Variants in PTPRF observed in about 807,000 individuals in gnomAD.
The protein encoded by PTPRF is receptor-type tyrosine-protein phosphatase F.
A neutral mutation model predicts 201.8 loss-of-function variants in PTPRF; 59 were observed. The observed-to-expected ratio is 0.29, with a 90% CI of 0.24 to 0.36. PTPRF has a LOEUF of 0.36. Among genes scored for constraint, PTPRF ranks in the 10% least tolerant of loss-of-function variants. PTPRF has a pLI of 1.00. For missense variants in PTPRF, 2,132 were observed against 2,690.5 expected, an observed-to-expected ratio of 0.79 and a Z score of 4.59; for synonymous variants, 1,088 against 1,089.7, an observed-to-expected ratio of 1.00 and a Z score of 0.03.
Position 43,619,177 on chromosome 1 carries a change from G to A in PTPRF, c.4621G>A (p.Ala1541Thr), listed in dbSNP as rs754258723. Residue 1541 changes from alanine (A) to threonine (T), a missense_variant, in exon 27 of 34, where the codon GCA (alanine) becomes ACA (threonine). Coordinates refer to ENST00000359947, the MANE Select transcript of PTPRF (RefSeq NM_002840.5). ...GGTCAAGGCCTGCAACCCCCTAGACGCAGGGCCCATGGTGGTGCACTGCAG... is the reference window on the plus strand; with the variant it reads ...GGTCAAGGCCTGCAACCCCCTAGACACAGGGCCCATGGTGGTGCACTGCAG... ...RRVKACNPLDAGPMVVHCSAG... is the reference protein window; with the variant it reads ...RRVKACNPLDTGPMVVHCSAG... 10 of 1,609,554 alleles carry A rather than the reference G, an allele frequency of 6.2e-6. No homozygotes were observed. The highest frequency in any genetic ancestry group is 2.7e-5 in the African/African-American group (2 of 74,376).
rs142911514 is a variant in PTPRF, at chr1:43,540,199, A to G, written c.-46+1922A>G. On this transcript the variant is annotated intron_variant, in intron 2 of 33. Coordinates refer to ENST00000359947, the MANE Select transcript of PTPRF (RefSeq NM_002840.5). Reference sequence around the variant, plus strand: ...CCAGTAGCATCTCCCCGCTTTCCCCAGTCTCGACAATCAAAAATGTCTCCA... The same window carrying G: ...CCAGTAGCATCTCCCCGCTTTCCCCGGTCTCGACAATCAAAAATGTCTCCA... Among the ~76,000 whole-genome samples, 360 of 152,310 alleles carry G rather than the reference A, an allele frequency of 2.4e-3. 3 individuals carry two copies. The highest frequency in any genetic ancestry group is 8.1e-3 in the African/African-American group (336 of 41,552).
At chr1:43,531,675 C>T (rs191051378) in intron 1 of PTPRF, among the ~76,000 whole-genome samples, 5 of 151,780 alleles carry the variant, frequency 3.3e-5, no homozygotes, top group African/African-American at 1.2e-4. Context: ...GAAGCCCCCC[C>T]ACCCCCTTCG....
intron 3 of PTPRF, among the ~76,000 whole-genome samples, chr1:43,550,886 C>T (rs1353753640): frequency 6.6e-6 from 1 of 152,048 alleles, no homozygotes. Flanking sequence ...GAGTGTATGG[C>T]GGAGGTTGGC....
chr1:43,576,014 C>A, intron 6 of PTPRF: 1 of 1,241,226 alleles, frequency 8.1e-7, no homozygotes, highest in Non-Finnish European at 1.1e-6. Context: ...GTCACCTCCC[C>A]ATCCCCATCC....
At chr1:43,605,865 C>T (rs1654977090) in intron 19 of PTPRF, among the ~76,000 whole-genome samples, 1 of 152,228 alleles carries the variant, frequency 6.6e-6, no homozygotes, top group Admixed American at 6.5e-5. Context: ...GATGCCTCTG[C>T]AGGTCTAGAG....
At chr1:43,585,853 C>T (rs188043281) in intron 7 of PTPRF, among the ~76,000 whole-genome samples, 98 of 152,304 alleles carry the variant, frequency 6.4e-4, no homozygotes, top group Non-Finnish European at 1.0e-3. Flanking sequence ...TATCCAACGA[C>T]GTGATTAGGC....
chr1:43,604,214 C>T (rs769492103), intron 16 of PTPRF, 25 bp downstream of exon 16: 1 of 1,601,840 alleles, frequency 6.2e-7, no homozygotes, highest in Non-Finnish European at 8.5e-7. Flanking sequence ...CATGGCATCC[C>T]TTCCCGAGTG....
Position 43,569,760 on chromosome 1 carries a change from A to G in PTPRF, c.550A>G (p.Ile184Val). The G allele has an allele frequency of 6.2e-7, 1 of 1,611,966 alleles. No homozygotes were observed. The change falls in exon 6 of 34, where the codon ATC (isoleucine) becomes GTC (valine). Residue 184 changes from isoleucine (I) to valine (V), a missense_variant. Ile to Val is a conservative substitution (Grantham distance 29). Transcript: ENST00000359947. ...PVDPATSNGRIKQLRSGALQI... is the reference protein window; with the variant it reads ...PVDPATSNGRVKQLRSGALQI... ...AGACCCTGCCACGAGCAACGGCCGC[A>G]TCAAGCAGCTGCGTTCAGGTGAGCA...
chr1:43,595,076 A>G (rs759611850), intron 11 of PTPRF, among the ~76,000 whole-genome samples: 4 of 152,190 alleles, frequency 2.6e-5, no homozygotes, highest in Non-Finnish European at 4.4e-5. Flanking sequence ...ATGTTTCATG[A>G]GGCCTGTGTG....
intron 7 of PTPRF, among the ~76,000 whole-genome samples, chr1:43,586,527 G>A (rs61769643): frequency 0.21 from 31,521 of 152,222 alleles, 4,314 homozygotes; most frequent in Middle Eastern, 0.31. Context: ...TCTGCCACAA[G>A]AACTGTGTCT....
chr1:43,612,933 A>G (rs10890267), intron 22 of PTPRF: 71,973 of 745,478 alleles, frequency 0.097, 4,428 homozygotes, highest in African/African-American at 0.26. Flanking sequence ...TTCTCCCCCA[A>G]TCCCACTGTC....
rs72637952 is a variant in PTPRF, at chr1:43,586,498, T to G, written c.680-2233T>G. Among the ~76,000 whole-genome samples the G allele has an allele frequency of 7.5e-4, 115 of 152,344 alleles. 1 individual carries two copies. In the East Asian group the frequency reaches 0.02, roughly 27 times the overall value. ...GTTGCCATGAGACACTTGCCAGCCA[T>G]GCCCCGGGATCCACCTGTTCTGCCA... On this transcript the variant is annotated intron_variant, in intron 7 of 33. Coordinates refer to ENST00000359947, the MANE Select transcript of PTPRF (RefSeq NM_002840.5).
At position 43,602,052 on chromosome 1, in the gene PTPRF, C is replaced by T. The variant is rs1179799339; in HGVS notation, c.2314-19C>T. Reference sequence around the variant, plus strand: ...CCTTCACCATCCTGTCTCCCTTTCTCTCCCTCTCCCGCGGTCAGTGGCGGC... The same window carrying T: ...CCTTCACCATCCTGTCTCCCTTTCTTTCCCTCTCCCGCGGTCAGTGGCGGC... On this transcript the variant is annotated intron_variant, in intron 13 of 33. Coordinates refer to ENST00000359947, the MANE Select transcript of PTPRF (RefSeq NM_002840.5). The T allele has an allele frequency of 6.2e-7, 1 of 1,611,520 alleles. No homozygotes were observed. The highest frequency in any genetic ancestry group is 8.5e-7 in the Non-Finnish European group (1 of 1,177,588).
intron 23 of PTPRF, 101 bp downstream of exon 23, chr1:43,613,816 G>A (rs1657075614): frequency 9.4e-7 from 1 of 1,062,534 alleles, no homozygotes; most frequent in East Asian, 2.5e-5. Flanking sequence ...GGAAGCAGGG[G>A]TCCAGCTTTT....
At position 43,554,853 on chromosome 1, in the gene PTPRF, C is replaced by CTTT. The variant is rs1280917056; in HGVS notation, c.379+913_379+915dup. On this transcript the variant is annotated intron_variant, in intron 5 of 33. Transcript: ENST00000359947. This position sits in a 1 kb window ranked among gnomAD's most constrained non-coding sequence, Gnocchi z 4.1. Reference sequence around the variant, plus strand: ...TTGCTTTTTTTTCTTTTCTTTCTTTCTTTCTTTTTTTTTTTTTGAGATGCA... The same window carrying CTTT: ...TTGCTTTTTTTTCTTTTCTTTCTTTCTTTTTTCTTTTTTTTTTTTTGAGATGCA... Among the ~76,000 whole-genome samples, 2 of 143,158 alleles carry CTTT rather than the reference C, an allele frequency of 1.4e-5. No homozygotes were observed. Among genetic ancestry groups the CTTT allele is most frequent in the African/African-American group, 5.6e-5 (2 of 35,618 alleles). 93.9% of individuals were successfully genotyped at this position (143,158 alleles called of 152,430 possible). A position where few individuals can be genotyped will look rare whatever the true frequency, so the allele number is the denominator to read the frequency against.
Position 43,569,903 on chromosome 1 carries a change from G to T in PTPRF, c.568+125G>T, listed in dbSNP as rs986084527. The T allele has an allele frequency of 2.7e-6, 3 of 1,122,298 alleles. No individual in the cohort carries two copies. The East Asian group carries it at 8.3e-5, about 31-fold the overall frequency. 69.5% of individuals were successfully genotyped at this position (1,122,298 alleles called of 1,614,324 possible). Reference sequence around the variant, plus strand: ...GGCTGAGCGGAGGGTACCTGGTGGGGTGGGCTGGGTCTTACTGCAGGTGTG... The same window carrying T: ...GGCTGAGCGGAGGGTACCTGGTGGGTTGGGCTGGGTCTTACTGCAGGTGTG... On this transcript the variant is annotated intron_variant, in intron 6 of 33. Coordinates refer to ENST00000359947, the MANE Select transcript of PTPRF (RefSeq NM_002840.5).
chr1:43,597,839 C>T lies in PTPRF; in HGVS notation c.1905C>T (p.Arg635=). 9 of 1,608,406 alleles carry T rather than the reference C, an allele frequency of 5.6e-6. No homozygotes were observed. Among genetic ancestry groups the T allele is most frequent in the Non-Finnish European group, 7.6e-6 (9 of 1,178,016 alleles). Residue 635 remains arginine, a synonymous_variant, in exon 12 of 34, where the codon CGC becomes CGT. Coordinates refer to ENST00000359947, the MANE Select transcript of PTPRF (RefSeq NM_002840.5). ...GGGTCCCGCCGCCTGCCGACAGCCGCAACGGCGTTATCACCCAGTACTCCG... is the reference window on the plus strand; with the variant it reads ...GGGTCCCGCCGCCTGCCGACAGCCGTAACGGCGTTATCACCCAGTACTCCG... ...VSWVPPPADS[R]NGVITQYSVA...
In PTPRF at chr1:43,623,498, T is replaced by G. The variant is rs1659561539; in HGVS notation, c.*1495T>G. 6.6e-6 allele frequency: 1 copy of G among 152,604 alleles called. No homozygotes were observed. Among genetic ancestry groups the G allele is most frequent in the Non-Finnish European group, 1.5e-5 (1 of 68,032 alleles). The allele number at this position is 152,604 out of a possible 1,614,324, so 9.5% of individuals were successfully genotyped here. A position where few individuals can be genotyped will look rare whatever the true frequency, so the allele number is the denominator to read the frequency against. ...AGCTAGGCTAAGTCAAGATCAACATTCCAGGGTTGGTAATGTTGGATGATG... is the reference window on the plus strand; with the variant it reads ...AGCTAGGCTAAGTCAAGATCAACATGCCAGGGTTGGTAATGTTGGATGATG... On this transcript the variant is annotated 3_prime_UTR_variant, in exon 34 of 34. Transcript: ENST00000359947.
At chr1:43,541,069 C>T (rs1395577028) in intron 2 of PTPRF, among the ~76,000 whole-genome samples, 1 of 152,378 alleles carries the variant, frequency 6.6e-6, no homozygotes, top group South Asian at 2.1e-4. Context: ...AGGCTCTTCC[C>T]TTCCTGTTGC....
Sources: allele counts gnomAD v4.1 joint callset (sites outside exome capture counted in the v4.1 genomes callset), GRCh38; gene constraint gnomAD v4.1.1; non-coding constraint Gnocchi (gnomAD v3.1); transcripts MANE v1.5; gene names NCBI Gene and HGNC (gene_info 2026-07-23, HGNC 2026-07-21).